NPAS3: variants seen among roughly 807,000 people sequenced by gnomAD.
The protein encoded by NPAS3 is neuronal PAS domain protein 3.
NPAS3 carries 14 observed loss-of-function variants against 73.1 expected under a neutral mutation model. The observed-to-expected ratio is 0.19, with a 90% CI of 0.13 to 0.30. The LOEUF (loss-of-function observed/expected upper bound fraction) is 0.30, where lower values mean the gene tolerates loss of function less well. NPAS3 is among the 10% of genes least tolerant of loss of function. The pLI, the probability that NPAS3 is intolerant of heterozygous loss-of-function variation, is 1.00. For missense variants in NPAS3, 1,096 were observed against 1,250.0 expected (o/e 0.88, Z 1.86); for synonymous variants, 620 against 541.5 (o/e 1.14, Z -2.01).
intron 5 of NPAS3, among the ~76,000 whole-genome samples, chr14:33,629,326 T>C (rs2058314628): frequency 6.6e-6 from 1 of 151,938 alleles, no homozygotes; most frequent in Admixed American, 6.6e-5. Context: ...AGAAGGAATA[T>C]GCATTGCTAT....
At chr14:33,212,405 T>A (rs2047072694) in intron 2 of NPAS3, among the ~76,000 whole-genome samples, 1 of 152,042 alleles carries the variant, frequency 6.6e-6, no homozygotes. Context: ...GGGGACACCA[T>A]GTGTGTTAGA....
At chr14:33,281,835 C>T (rs756851926) in intron 3 of NPAS3, among the ~76,000 whole-genome samples, 1 of 151,946 alleles carries the variant, frequency 6.6e-6, no homozygotes, top group Non-Finnish European at 1.5e-5. Context: ...TAGTAGTATG[C>T]GTTGGCCACA....
intron 2 of NPAS3, among the ~76,000 whole-genome samples, chr14:33,172,046 C>A (rs938757476): frequency 6.6e-6 from 1 of 152,054 alleles, no homozygotes; most frequent in Non-Finnish European, 1.5e-5. Context: ...AGTGTGCCAT[C>A]GTATATAAGC....
chr14:33,156,844 GT>G (rs1015657859), intron 2 of NPAS3, among the ~76,000 whole-genome samples: 2 of 152,100 alleles, frequency 1.3e-5, no homozygotes, highest in Admixed American at 1.3e-4. Flanking sequence ...TATCGTTAAG[GT>G]TTTTGTGAAT....
At chr14:33,263,603 G>T (rs1354867639) in intron 3 of NPAS3, among the ~76,000 whole-genome samples, 1 of 152,094 alleles carries the variant, frequency 6.6e-6, no homozygotes, top group Non-Finnish European at 1.5e-5. Flanking sequence ...GGCAATGCAG[G>T]CTCTTTTTTG....
At chr14:33,288,420 G>A (rs1336556691) in intron 3 of NPAS3, among the ~76,000 whole-genome samples, 4 of 151,980 alleles carry the variant, frequency 2.6e-5, no homozygotes, top group Admixed American at 1.3e-4. Flanking sequence ...TGGAATGGGC[G>A]AGCATGTTCC....
chr14:33,774,138 C>T (rs538766449), intron 7 of NPAS3, among the ~76,000 whole-genome samples, 199 bp from the exon 8 acceptor site: 3 of 152,260 alleles, frequency 2.0e-5, no homozygotes, highest in South Asian at 2.1e-4. Flanking sequence ...CCTTGAGGAA[C>T]GCCTGGAATG....
chr14:33,782,889 C>A (rs1461585482), intron 9 of NPAS3, among the ~76,000 whole-genome samples: 1 of 151,812 alleles, frequency 6.6e-6, no homozygotes, highest in Non-Finnish European at 1.5e-5. Context: ...TACTTTCTAA[C>A]AAAACTAATA....
chr14:33,547,846 TG>T (rs2054918493), intron 4 of NPAS3, among the ~76,000 whole-genome samples: 3 of 152,216 alleles, frequency 2.0e-5, no homozygotes, highest in African/African-American at 7.2e-5. Flanking sequence ...AAGCAACAGT[TG>T]TCAGGGGGAT....
At chr14:33,354,859 G>A (rs1206902005) in intron 3 of NPAS3, among the ~76,000 whole-genome samples, 2 of 151,998 alleles carry the variant, frequency 1.3e-5, no homozygotes, top group African/African-American at 4.8e-5. Flanking sequence ...TAGTTACTAG[G>A]GTCAACTCAT....
intron 6 of NPAS3, among the ~76,000 whole-genome samples, chr14:33,683,147 G>A (rs866353996): frequency 6.6e-6 from 1 of 151,988 alleles, no homozygotes; most frequent in South Asian, 2.1e-4. Flanking sequence ...ATATTTGCAG[G>A]GTAGCAAATG....
intron 4 of NPAS3, among the ~76,000 whole-genome samples, chr14:33,371,979 AC>A (rs2046110009): frequency 6.6e-6 from 1 of 152,216 alleles, no homozygotes; most frequent in Non-Finnish European, 1.5e-5. Flanking sequence ...TTGAATTTGA[AC>A]CCAGGATGGT....
chr14:33,647,123 C>T (rs1002931467), intron 5 of NPAS3, among the ~76,000 whole-genome samples: 1 of 152,148 alleles, frequency 6.6e-6, no homozygotes, highest in Non-Finnish European at 1.5e-5. Flanking sequence ...TTAGGCTCAA[C>T]TGTGTGATAT....
chr14:33,234,574 T>C (rs1345273174), intron 3 of NPAS3, among the ~76,000 whole-genome samples: 2 of 152,126 alleles, frequency 1.3e-5, no homozygotes, highest in African/African-American at 4.8e-5. Context: ...TATATGAAAC[T>C]AGAAATGAAA....
intron 3 of NPAS3, among the ~76,000 whole-genome samples, chr14:33,308,527 T>TATATATATATATATATATACACAC: frequency 3.1e-4 from 32 of 103,718 alleles, no homozygotes; most frequent in Admixed American, 6.6e-4. Flanking sequence ...TATATATATA[T>TATATATATATATATATATACACAC]ACATACACAC....
chr14:33,580,652 C>A (rs543211832), intron 5 of NPAS3, among the ~76,000 whole-genome samples: 26 of 152,266 alleles, frequency 1.7e-4, no homozygotes, highest in Non-Finnish European at 3.2e-4. Flanking sequence ...ATCTTTACGA[C>A]TATAAAACAA....
chr14:33,693,076 T>C (rs1198188925), intron 6 of NPAS3, among the ~76,000 whole-genome samples: 1 of 151,894 alleles, frequency 6.6e-6, no homozygotes, highest in Admixed American at 6.6e-5. Flanking sequence ...TATACATTGA[T>C]TGAAATTAAT....
chr14:33,367,279 A>G lies in NPAS3; in HGVS notation c.468+11A>G, dbSNP rs752618837. 2.4e-5 allele frequency: 20 copies of G among 847,526 alleles called. No individual in the cohort carries two copies. In the South Asian group the frequency reaches 2.5e-4, roughly 11 times the overall value. 52.5% of individuals were successfully genotyped at this position (847,526 alleles called of 1,614,324 possible). A position where few individuals can be genotyped will look rare whatever the true frequency, so the allele number is the denominator to read the frequency against. On this transcript the variant is annotated intron_variant, in intron 4 of 11. Transcript: ENST00000356141. ...AGCCACATTTTGCAGGTACCTTTAA[A>G]ACAAAAAGAAGCTTTCTTATATTTT... is the stretch of plus-strand genomic sequence containing the variant.
At chr14:33,399,638 A>G (rs2047366986) in intron 4 of NPAS3, among the ~76,000 whole-genome samples, 1 of 149,244 alleles carries the variant, frequency 6.7e-6, no homozygotes, top group Non-Finnish European at 1.5e-5. Context: ...TGAACCCTTG[A>G]TTAGTTGTAG....
Sources: gnomAD v4.1 joint callset for allele counts (sites outside exome capture counted in the v4.1 genomes callset) on GRCh38, gnomAD v4.1.1 for gene constraint, MANE v1.5 for transcripts, NCBI Gene and HGNC (gene_info 2026-07-23, HGNC 2026-07-21) for gene names.